The following ETV1 variants were observed in gnomAD, a reference collection of about 807,000 sequenced individuals.
The protein encoded by ETV1 is ETS variant transcription factor 1.
In ETV1, 27 loss-of-function variants were observed where a neutral mutation model predicts 62.3. The observed-to-expected ratio is 0.43, with a 90% CI of 0.32 to 0.60. The LOEUF (loss-of-function observed/expected upper bound fraction) is 0.60. Among genes scored for constraint, ETV1 ranks in the 20% least tolerant of loss-of-function variants. ETV1 has a pLI of 0.06. For missense variants in ETV1, 605 were observed against 605.8 expected (o/e 1.00, Z 0.01); for synonymous variants, 222 against 199.6 (o/e 1.11, Z -0.94).
rs946747659 is a variant in ETV1, at chr7:13,891,999, C to T, written c.*3867G>A. ...GACAAAGTGGCTCATTTTAGAAATCCCTATCATCTGGCAAAATTCTGTAGC... is the reference window on the plus strand; with the variant it reads ...GACAAAGTGGCTCATTTTAGAAATCTCTATCATCTGGCAAAATTCTGTAGC... On this transcript the variant is annotated 3_prime_UTR_variant, in exon 14 of 14. Coordinates refer to ENST00000430479, the MANE Select transcript of ETV1 (RefSeq NM_004956.5). 1.3e-5 allele frequency: 3 copies of T among 231,604 alleles called. No homozygotes were observed. The highest frequency in any genetic ancestry group is 1.1e-4 in the Admixed American group (2 of 17,720). The allele number at this position is 231,604 out of a possible 1,614,324, so 14.3% of individuals were successfully genotyped here.
upstream of ETV1, among the ~76,000 whole-genome samples, chr7:13,990,184 T>C (rs1562730799): frequency 6.6e-6 from 1 of 152,152 alleles, no homozygotes; most frequent in Non-Finnish European, 1.5e-5. Flanking sequence ...TTTGGCCCAA[T>C]TTATTTTCCC....
intron 6 of ETV1, among the ~76,000 whole-genome samples, chr7:13,954,576 T>C (rs1789201230): frequency 6.6e-6 from 1 of 152,250 alleles, no homozygotes; most frequent in Non-Finnish European, 1.5e-5. Context: ...TGAAAAATTT[T>C]ATTCTCTTTT....
At chr7:13,936,906 G>C (rs1021258147) in intron 7 of ETV1, among the ~76,000 whole-genome samples, 1 of 152,056 alleles carries the variant, frequency 6.6e-6, no homozygotes, top group African/African-American at 2.4e-5. Flanking sequence ...GCTGGGCGTG[G>C]TGATGCATGT....
chr7:13,924,229 G>C (rs1785164166), intron 9 of ETV1, among the ~76,000 whole-genome samples: 1 of 152,038 alleles, frequency 6.6e-6, no homozygotes. Flanking sequence ...GAGCCATCAA[G>C]GGCATTAAGA....
At chr7:13,954,028 T>C (rs1229558569) in intron 6 of ETV1, among the ~76,000 whole-genome samples, 2 of 152,176 alleles carry the variant, frequency 1.3e-5, no homozygotes, top group African/African-American at 4.8e-5. Flanking sequence ...CATAGTAACA[T>C]ACAAAACAAA....
At chr7:13,913,604 G>T (rs1011933380) in intron 9 of ETV1, among the ~76,000 whole-genome samples, 1 of 152,066 alleles carries the variant, frequency 6.6e-6, no homozygotes, top group Non-Finnish European at 1.5e-5. Flanking sequence ...ATTTTTAAGT[G>T]ATCCTCACAA....
chr7:13,967,863 T>G (rs919334572), intron 6 of ETV1, among the ~76,000 whole-genome samples: 6 of 152,138 alleles, frequency 3.9e-5, no homozygotes, highest in Non-Finnish European at 8.8e-5. Flanking sequence ...ATATTTATTT[T>G]CATGACTGCT....
chr7:13,935,795 G>C lies in ETV1; in HGVS notation c.467C>G (p.Thr156Ser), dbSNP rs745962107. ...SPLHHASPNS[T>S]HTPKPDRAFP... is the part of the protein sequence containing the mutation. ...GGCCCGGTCAGGTTTCGGTGTATGA[G>C]TTGAGTTTGGAGATGCATGATGCAG... The change falls in exon 8 of 14, where the codon ACT (threonine) becomes AGT (serine). Residue 156 changes from threonine (T) to serine (S), a missense_variant. Thr to Ser is a moderately conservative substitution (Grantham distance 58). Transcript: ENST00000430479. 2 of 1,613,984 alleles carry C rather than the reference G, an allele frequency of 1.2e-6. No homozygotes were observed. Among genetic ancestry groups the C allele is most frequent in the Non-Finnish European group, 1.7e-6 (2 of 1,179,878 alleles).
chr7:13,947,049 T>C (rs1788246640), intron 6 of ETV1, among the ~76,000 whole-genome samples: 1 of 152,192 alleles, frequency 6.6e-6, no homozygotes, highest in Admixed American at 6.5e-5. Flanking sequence ...GTGCTGGGAT[T>C]ATAGGCGTGA....
intron 6 of ETV1, among the ~76,000 whole-genome samples, chr7:13,953,010 G>C (rs1789008819): frequency 1.3e-5 from 2 of 152,158 alleles, no homozygotes; most frequent in African/African-American, 4.8e-5. Context: ...GGAAAGGAAG[G>C]CCTAATGTAT....
chr7:13,934,559 T>G (rs887062099), intron 8 of ETV1, among the ~76,000 whole-genome samples: 2 of 152,210 alleles, frequency 1.3e-5, no homozygotes, highest in Non-Finnish European at 2.9e-5. Context: ...TTGCAGGAAT[T>G]TTTTGAGCCA....
intron 6 of ETV1, among the ~76,000 whole-genome samples, chr7:13,944,301 G>A (rs1787905441): frequency 6.6e-6 from 1 of 152,140 alleles, no homozygotes; most frequent in Admixed American, 6.6e-5. Flanking sequence ...TGGAAGCTGG[G>A]AAATCCAGCA....
At chr7:13,969,295 G>A (rs1780626883) in intron 6 of ETV1, among the ~76,000 whole-genome samples, 1 of 151,998 alleles carries the variant, frequency 6.6e-6, no homozygotes, top group South Asian at 2.1e-4. Context: ...TAGCAAAGAT[G>A]ATAAAATAAG....
intron 9 of ETV1, among the ~76,000 whole-genome samples, chr7:13,916,287 AT>A (rs1176728489): frequency 6.6e-6 from 1 of 152,284 alleles, no homozygotes; most frequent in Non-Finnish European, 1.5e-5. Context: ...AAATATGTTA[AT>A]TTTTAGATGG....
chr7:13,991,086 C>T (rs1782982633), upstream of ETV1: 1 of 152,142 alleles, frequency 6.6e-6, no homozygotes, highest in African/African-American at 2.4e-5. Flanking sequence ...CGCGCATTCC[C>T]GGAAACTACT....
At position 13,920,369 on chromosome 7, in the gene ETV1, G is replaced by C. The variant is rs144455419; in HGVS notation, c.803-9062C>G. Among the ~76,000 whole-genome samples, 651 of 152,204 alleles carry C rather than the reference G, an allele frequency of 4.3e-3. 9 individuals are homozygous for C. The highest frequency in any genetic ancestry group is 0.015 in the African/African-American group (629 of 41,518). On this transcript the variant is annotated intron_variant, in intron 9 of 13. Coordinates refer to ENST00000430479, the MANE Select transcript of ETV1 (RefSeq NM_004956.5). ...ATTAATCATTACTTCCAGTCAACTG[G>C]CATAAGCAGCAGCTGATGGAACACT...
chr7:13,926,925 G>T (rs1224235205), intron 9 of ETV1, among the ~76,000 whole-genome samples: 1 of 152,040 alleles, frequency 6.6e-6, no homozygotes, highest in East Asian at 1.9e-4. Context: ...ATATTAGGCA[G>T]TTGAAATTGC....
rs11983157 is a variant in ETV1 at position 13,891,610 on chromosome 7, T to C, written c.*4256A>G. ...AGTATGTCAAAGTGAGTCTCATGTATATAAAAAAAGAAGTCCTAAAAGTAC... is the reference window on the plus strand; with the variant it reads ...AGTATGTCAAAGTGAGTCTCATGTACATAAAAAAAGAAGTCCTAAAAGTAC... On this transcript the variant is annotated 3_prime_UTR_variant, in exon 14 of 14. Transcript: ENST00000430479. 0.046 allele frequency: 10,563 copies of C among 231,724 alleles called. 322 individuals are homozygous for C. The highest frequency in any genetic ancestry group is 0.1 in the African/African-American group (4,607 of 45,326). 14.4% of individuals were successfully genotyped at this position (231,724 alleles called of 1,614,324 possible).
Position 13,891,632 on chromosome 7 carries a change from G to A in ETV1, c.*4234C>T. The A allele has an allele frequency of 4.3e-6, 1 of 231,070 alleles. No homozygotes were observed. Among genetic ancestry groups the A allele is most frequent in the Non-Finnish European group, 8.5e-6 (1 of 116,970 alleles). The allele number at this position is 231,070 out of a possible 1,614,324, so 14.3% of individuals were successfully genotyped here. A position where few individuals can be genotyped will look rare whatever the true frequency, so the allele number is the denominator to read the frequency against. Reference sequence around the variant, plus strand: ...GTATATAAAAAAAGAAGTCCTAAAAGTACTAGTTGAGCTCTGAATAAACTG... The same window carrying A: ...GTATATAAAAAAAGAAGTCCTAAAAATACTAGTTGAGCTCTGAATAAACTG... On this transcript the variant is annotated 3_prime_UTR_variant, in exon 14 of 14. Transcript: ENST00000430479.
Sources: gnomAD v4.1 joint callset for allele counts (sites outside exome capture counted in the v4.1 genomes callset) on GRCh38, gnomAD v4.1.1 for gene constraint, MANE v1.5 for transcripts, NCBI Gene and HGNC (gene_info 2026-07-23, HGNC 2026-07-21) for gene names.